Variants in RAP1GAP observed in about 807,000 individuals in gnomAD.
RAP1GAP encodes the protein rap1 GTPase-activating protein 1.
In RAP1GAP, 35 loss-of-function variants were observed where a neutral mutation model predicts 87.2. The observed-to-expected ratio is 0.40, with a 90% CI of 0.31 to 0.53. RAP1GAP has a LOEUF of 0.53. Ranked by LOEUF, RAP1GAP falls within the 20% of genes least tolerant of loss-of-function variation. The pLI is 0.48. For synonymous variants in RAP1GAP, 375 were observed against 363.9 expected (o/e 1.03, Z -0.35); for missense variants, 734 against 898.9 (o/e 0.82, Z 2.35).
Position 21,622,712 on chromosome 1 carries a change from G to C in RAP1GAP, c.-18-2662C>G, listed in dbSNP as rs560970748. 6.6e-6 allele frequency: 1 copy of C among 151,632 alleles called. No homozygotes were observed. The highest frequency in any genetic ancestry group is 2.4e-5 in the African/African-American group (1 of 41,472). The allele number at this position is 151,632 out of a possible 1,614,324, so 9.4% of individuals were successfully genotyped here. A position where few individuals can be genotyped will look rare whatever the true frequency, so the allele number is the denominator to read the frequency against. ...CCTGCGCGTTCCGGCCCGAGCGCTA[G>C]AAGCTTTGGGTGCGTCGGGCTCCCC... On this transcript the variant is annotated intron_variant, in intron 3 of 24. Coordinates refer to ENST00000374765, the MANE Select transcript of RAP1GAP (RefSeq NM_002885.4). This position sits in a 1 kb window ranked among gnomAD's most constrained non-coding sequence, Gnocchi z 5.7.
At chr1:21,642,906 A>ACACACACACACACACACACT (rs1164354455) in intron 2 of RAP1GAP, among the ~76,000 whole-genome samples, 6 of 150,870 alleles carry the variant, frequency 4.0e-5, no homozygotes, top group African/African-American at 1.5e-4. Flanking sequence ...ACACACACAC[A>ACACACACACACACACACACT]CACACACACT....
chr1:21,637,420 C>CT (rs2151112467), intron 2 of RAP1GAP, among the ~76,000 whole-genome samples: 1 of 152,102 alleles, frequency 6.6e-6, no homozygotes, highest in South Asian at 2.1e-4. Context: ...TCCCAAAGTG[C>CT]TGGGATTACA....
chr1:21,610,348 T>G lies in RAP1GAP; in HGVS notation c.844-73A>C, dbSNP rs886658452. Reference sequence around the variant, plus strand: ...TGGGGGAGAGGGGTGCCCACGGGGGTTTAGGAGGGTTTGGGGTAGTCAGAG... The same window carrying G: ...TGGGGGAGAGGGGTGCCCACGGGGGGTTAGGAGGGTTTGGGGTAGTCAGAG... On this transcript the variant is annotated intron_variant, in intron 13 of 24. Coordinates refer to ENST00000374765, the MANE Select transcript of RAP1GAP (RefSeq NM_002885.4). The G allele has an allele frequency of 7.4e-5, 114 of 1,539,474 alleles. 1 individual carries two copies. In the East Asian group the frequency reaches 1.4e-3, roughly 19 times the overall value.
Position 21,612,102 on chromosome 1 carries a change from C to T in RAP1GAP, c.536G>A (p.Arg179Gln), listed in dbSNP as rs953424504. The T allele has an allele frequency of 1.4e-5, 22 of 1,551,812 alleles. No individual in the cohort carries two copies. Among genetic ancestry groups the T allele is most frequent in the East Asian group, 2.4e-5 (1 of 41,026 alleles). The change falls in exon 11 of 25, where the codon CGG becomes CAG. Residue 179 changes from arginine (R) to glutamine (Q), a missense_variant. Physicochemically the swap from Arg to Gln is conservative, Grantham distance 43. Coordinates refer to ENST00000374765, the MANE Select transcript of RAP1GAP (RefSeq NM_002885.4). ...ATGCTCGTCAAAGGTGACGATGAGCCGGGAAGCCTGCAGGAGAGGACGCCG... is the reference window on the plus strand; with the variant it reads ...ATGCTCGTCAAAGGTGACGATGAGCTGGGAAGCCTGCAGGAGAGGACGCCG... ...FYPVLYPKAS[R>Q]LIVTFDEHVI...
rs753908269 is a variant in RAP1GAP at position 21,614,063 on chromosome 1, G to A, written c.318C>T (p.Asp106=). 15 of 1,608,464 alleles carry A rather than the reference G, an allele frequency of 9.3e-6. No homozygotes were observed. In the Admixed American group the frequency reaches 1.0e-4, roughly 11 times the overall value. The change falls in exon 8 of 25, where the codon GAC becomes GAT. Residue 106 remains aspartate (D), a synonymous_variant. Transcript: ENST00000374765. ...AGAAGACAAGGTGGCCGAGGGCAGC[G>A]TCCAGTGAGTAGTAATTGAAATGCT... ...GKEHFNYYSL[D]AALGHLVFSL...
At chr1:21,660,353 T>TATATATATATATATATATATAGAGAGAGA in intron 1 of RAP1GAP, among the ~76,000 whole-genome samples, 1 of 26,820 alleles carries the variant, frequency 3.7e-5, no homozygotes, top group East Asian at 2.2e-3. Context: ...ATATATTTAT[T>TATATATATATATATATATATAGAGAGAGA]GAGACAGTCT....
At position 21,669,178 on chromosome 1, in the gene RAP1GAP, T is replaced by A. The variant is rs1290191057; in HGVS notation, c.-149+76A>T. 3.8e-5 allele frequency: 46 copies of A among 1,213,290 alleles called. No individual in the cohort carries two copies. The highest frequency in any genetic ancestry group is 4.8e-5 in the Non-Finnish European group (46 of 958,176). The allele number at this position is 1,213,290 out of a possible 1,614,324, so 75.2% of individuals were successfully genotyped here. ...CCGCCCGCCCGCGCGGGGTCTTCGCTGCGAGCCGACGGGAGTCTGGACACC... is the reference window on the plus strand; with the variant it reads ...CCGCCCGCCCGCGCGGGGTCTTCGCAGCGAGCCGACGGGAGTCTGGACACC... On this transcript the variant is annotated intron_variant, in intron 1 of 24. Coordinates refer to ENST00000374765, the MANE Select transcript of RAP1GAP (RefSeq NM_002885.4). This position sits in a 1 kb window ranked among gnomAD's most constrained non-coding sequence, Gnocchi z 5.6.
chr1:21,597,598 G>A, intron 24 of RAP1GAP, 88 bp downstream of exon 24: 1 of 1,323,374 alleles, frequency 7.6e-7, no homozygotes, highest in Non-Finnish European at 1.0e-6. Context: ...CCCCAGAGAG[G>A]TGACAGAAGA....
intron 1 of RAP1GAP, among the ~76,000 whole-genome samples, chr1:21,654,129 G>A (rs1254921783): frequency 1.3e-5 from 2 of 152,140 alleles, no homozygotes; most frequent in South Asian, 2.1e-4. Flanking sequence ...GGGGGGTCAC[G>A]TTCCCTTGGC....
intron 2 of RAP1GAP, among the ~76,000 whole-genome samples, chr1:21,640,540 T>A (rs570404307): frequency 6.6e-6 from 1 of 152,148 alleles, no homozygotes; most frequent in Non-Finnish European, 1.5e-5. Context: ...AATATGTGTG[T>A]GTGTACATGT....
chr1:21,641,130 G>C (rs891020721), intron 2 of RAP1GAP, among the ~76,000 whole-genome samples: 29 of 148,228 alleles, frequency 2.0e-4, no homozygotes, highest in African/African-American at 6.2e-4. Context: ...ATGTTGGCCA[G>C]GCTGGTCTCA....
intron 17 of RAP1GAP, 71 bp from the exon 18 acceptor site, chr1:21,606,268 C>T (rs2074494044): frequency 6.6e-7 from 1 of 1,526,496 alleles, no homozygotes; most frequent in Non-Finnish European, 8.8e-7. Context: ...ACCCAGGAGC[C>T]CAGGCATCTG....
intron 2 of RAP1GAP, among the ~76,000 whole-genome samples, chr1:21,627,563 G>A (rs2092635179): frequency 6.6e-6 from 1 of 152,046 alleles, no homozygotes; most frequent in African/African-American, 2.4e-5. Flanking sequence ...TTGCAGGCAT[G>A]CGCCACCATG....
chr1:21,649,913 G>C (rs2096423424), intron 1 of RAP1GAP, 117 bp from the exon 2 acceptor site: 2 of 1,061,212 alleles, frequency 1.9e-6, no homozygotes, highest in Non-Finnish European at 2.8e-6. Context: ...AGAAGGTCCT[G>C]TTTCTAAGGA....
intron 1 of RAP1GAP, among the ~76,000 whole-genome samples, chr1:21,660,788 C>T (rs543498953): frequency 2.6e-5 from 4 of 152,280 alleles, no homozygotes; most frequent in East Asian, 1.9e-4. Flanking sequence ...ACGGCTTGCA[C>T]GGTGGTGGCT....
intron 1 of RAP1GAP, among the ~76,000 whole-genome samples, chr1:21,663,049 C>T (rs1353615669): frequency 6.6e-6 from 1 of 152,180 alleles, no homozygotes; most frequent in Non-Finnish European, 1.5e-5. Context: ...TGGGTGGGCC[C>T]AGCATTGTAG....
intron 24 of RAP1GAP, 47 bp from the exon 25 acceptor site, chr1:21,597,311 G>A (rs1290476216): frequency 1.6e-4 from 34 of 212,746 alleles, no homozygotes; most frequent in Non-Finnish European, 9.4e-6. Flanking sequence ...TGGCATGGTG[G>A]GTGGCTGGCA....
Position 21,640,398 on chromosome 1 carries a change from T to C in RAP1GAP, c.-113+9363A>G, listed in dbSNP as rs529031752. 2.4e-4 allele frequency among the ~76,000 whole-genome samples: 37 copies of C among 152,246 alleles called. 1 individual carries two copies. In the South Asian group the frequency reaches 5.6e-3, roughly 23 times the overall value. The stretch of plus-strand genomic sequence containing the variant: ...CACTGTCAGTCTCTCCTGCTAGAAA[T>C]GGGGTTTCTTCAGGTCATGCCTGGG... On this transcript the variant is annotated intron_variant, in intron 2 of 24. Transcript: ENST00000374765.
At chr1:21,651,903 G>A (rs1268401075) in intron 1 of RAP1GAP, 16 of 979,996 alleles carry the variant, frequency 1.6e-5, no homozygotes, top group Non-Finnish European at 1.9e-5. Context: ...CAACGCGGCC[G>A]CCCCGCCCCC....
Sources: allele counts gnomAD v4.1 joint callset (sites outside exome capture counted in the v4.1 genomes callset), GRCh38; gene constraint gnomAD v4.1.1; non-coding constraint Gnocchi (gnomAD v3.1); transcripts MANE v1.5; gene names NCBI Gene and HGNC (gene_info 2026-07-23, HGNC 2026-07-21).